ZNF727: variants seen among roughly 807,000 people sequenced by gnomAD.
ZNF727 encodes zinc finger protein 727.
ZNF727 carries 11 observed loss-of-function variants against 11.5 expected under a neutral mutation model. The observed-to-expected ratio is 0.95, with a 90% confidence interval of 0.60 to 1.58. ZNF727 has a LOEUF of 1.58. ZNF727 is among the 40% of genes most tolerant of loss of function. The probability of loss-of-function intolerance (pLI) is 0.00; values close to 1 mark genes in which losing one functional copy is unlikely to be tolerated. For missense variants in ZNF727, 533 were observed against 581.7 expected, an observed-to-expected ratio of 0.92 and a Z score of 0.86; for synonymous variants, 171 against 196.1, an observed-to-expected ratio of 0.87 and a Z score of 1.07.
At position 64,083,591 on chromosome 7, in the gene ZNF727, A is replaced by T. The variant is rs4717981; in HGVS notation, c.*5042A>T. Among the ~76,000 whole-genome samples the T allele has an allele frequency of 6.6e-6, 1 of 152,016 alleles. No homozygotes were observed. The highest frequency in any genetic ancestry group is 1.5e-5 in the Non-Finnish European group (1 of 68,010). On this transcript the variant is annotated 3_prime_UTR_variant, in exon 4 of 4. Coordinates refer to ENST00000456806, the MANE Select transcript of ZNF727 (RefSeq NM_001159522.3). ...AGTGGCTGCTCTGCTGAGACTCCACATAGCTCTGTGTGTTAAATTGAAGGC... is the reference window on the plus strand; with the variant it reads ...AGTGGCTGCTCTGCTGAGACTCCACTTAGCTCTGTGTGTTAAATTGAAGGC...
At position 64,083,809 on chromosome 7, in the gene ZNF727, T is replaced by C. The variant is rs1785831773; in HGVS notation, c.*5260T>C. On this transcript the variant is annotated 3_prime_UTR_variant, in exon 4 of 4. Coordinates refer to ENST00000456806, the MANE Select transcript of ZNF727 (RefSeq NM_001159522.3). ...CTCCATTCTCCGTAAGTTAAGTTGT[T>C]TCTTTCATTAGTTCCAATGCAAGTA... Among the ~76,000 whole-genome samples, 1 of 152,208 alleles carries C rather than the reference T, an allele frequency of 6.6e-6. No homozygotes were observed. The highest frequency in any genetic ancestry group is 1.5e-5 in the Non-Finnish European group (1 of 68,038).
chr7:64,059,103 C>A (rs758994026), intron 1 of ZNF727, among the ~76,000 whole-genome samples: 1 of 152,078 alleles, frequency 6.6e-6, no homozygotes, highest in South Asian at 2.1e-4. Flanking sequence ...TGCCACCACA[C>A]CCTGCTAATT....
At chr7:64,061,287 A>C (rs999947672) in intron 1 of ZNF727, among the ~76,000 whole-genome samples, 3 of 152,098 alleles carry the variant, frequency 2.0e-5, no homozygotes, top group Non-Finnish European at 2.9e-5. Context: ...GTCTCTAGCT[A>C]TTATTGTATT....
chr7:64,057,896 C>T (rs1047384492), intron 1 of ZNF727, among the ~76,000 whole-genome samples: 1 of 152,110 alleles, frequency 6.6e-6, no homozygotes, highest in African/African-American at 2.4e-5. Flanking sequence ...TCAAAGGCTT[C>T]CATCTATTCC....
chr7:64,074,101 C>T (rs1289978644), intron 3 of ZNF727, among the ~76,000 whole-genome samples: 2 of 152,038 alleles, frequency 1.3e-5, no homozygotes, highest in East Asian at 3.9e-4. Flanking sequence ...ACCTGGTTAC[C>T]TTCTGCATCA....
At chr7:64,068,316 T>C (rs1789903697) in intron 1 of ZNF727, among the ~76,000 whole-genome samples, 1 of 152,172 alleles carries the variant, frequency 6.6e-6, no homozygotes, top group African/African-American at 2.4e-5. Context: ...TATCGCTTCC[T>C]ATGGAAAGTG....
intron 2 of ZNF727, 54 bp downstream of exon 2, chr7:64,069,071 TC>T: frequency 6.9e-7 from 1 of 1,444,902 alleles, no homozygotes; most frequent in Non-Finnish European, 9.1e-7. Context: ...TTTTATTTCC[TC>T]TTTTTTTTTT....
intron 1 of ZNF727, among the ~76,000 whole-genome samples, chr7:64,053,163 G>A (rs1789629143): frequency 6.6e-6 from 1 of 152,254 alleles, no homozygotes; most frequent in Non-Finnish European, 1.5e-5. Context: ...GAATGATAGG[G>A]TTTGACTGTG....
At chr7:64,049,368 C>T (rs979203389) in intron 1 of ZNF727, among the ~76,000 whole-genome samples, 27 of 152,010 alleles carry the variant, frequency 1.8e-4, no homozygotes, top group African/African-American at 6.3e-4. Flanking sequence ...AGATTGCCTT[C>T]TCTTTAAGAA....
Position 64,078,573 on chromosome 7 carries a change from A to C in ZNF727, c.*24A>C, listed in dbSNP as rs759031228. On this transcript the variant is annotated 3_prime_UTR_variant, in exon 4 of 4. Transcript: ENST00000456806. ...AATTCATACTGGAGATAAACCTTAC[A>C]AATGTAATGAATGTGGAAAAGCTTT... is the stretch of plus-strand genomic sequence containing the variant. 465 of 1,553,152 alleles carry C rather than the reference A, an allele frequency of 3.0e-4. No individual in the cohort carries two copies. The highest frequency in any genetic ancestry group is 3.7e-4 in the Non-Finnish European group (428 of 1,146,930).
At chr7:64,047,530 GT>G (rs1789527810) in intron 1 of ZNF727, among the ~76,000 whole-genome samples, 1 of 152,058 alleles carries the variant, frequency 6.6e-6, no homozygotes, top group Non-Finnish European at 1.5e-5. Context: ...TATTTTCCTG[GT>G]TCCAAGTATT....
chr7:64,070,912 G>A (rs4717167), intron 3 of ZNF727, among the ~76,000 whole-genome samples: 98,565 of 151,764 alleles, frequency 0.65, 32,406 homozygotes, highest in Admixed American at 0.72. Flanking sequence ...TCGGCATAAC[G>A]TCATCTAGGT....
At chr7:64,076,263 A>C (rs1785655082) in intron 3 of ZNF727, among the ~76,000 whole-genome samples, 2 of 151,960 alleles carry the variant, frequency 1.3e-5, no homozygotes, top group Admixed American at 1.3e-4. Context: ...TGACTTGTAT[A>C]TTTACTTTTT....
At chr7:64,046,732 T>G (rs1428745089) in intron 1 of ZNF727, among the ~76,000 whole-genome samples, 1 of 152,210 alleles carries the variant, frequency 6.6e-6, no homozygotes, top group African/African-American at 2.4e-5. Flanking sequence ...CCAGAACCGA[T>G]TAATACAAAC....
Position 64,077,920 on chromosome 7 carries a change from A to G in ZNF727, c.871A>G (p.Lys291Glu). ...ACCCTACAAATGTAAAGAATGTCAC[A>G]AAGCCTTTAGGTGTTGCTCAGACCT... The part of the protein sequence containing the change: ...EKPYKCKECH[K>E]AFRCCSDLTK... Residue 291 changes from lysine (K) to glutamate (E), a missense_variant, in exon 4 of 4, where the codon AAA becomes GAA. Lys to Glu is a moderately conservative substitution (Grantham distance 56). Coordinates refer to ENST00000456806, the MANE Select transcript of ZNF727 (RefSeq NM_001159522.3). 1 of 1,586,040 alleles carries G rather than the reference A, an allele frequency of 6.3e-7. No individual in the cohort carries two copies. The highest frequency in any genetic ancestry group is 8.6e-7 in the Non-Finnish European group (1 of 1,165,526).
At chr7:64,058,525 CTCAACTGGGCT>C (rs1789720774) in intron 1 of ZNF727, among the ~76,000 whole-genome samples, 1 of 152,094 alleles carries the variant, frequency 6.6e-6, no homozygotes, top group Admixed American at 6.5e-5. Flanking sequence ...GGTGCATCCA[CTCAACTGGGCT>C]TCTGAGTCAC....
chr7:64,067,440 A>G (rs1396101309), intron 1 of ZNF727, among the ~76,000 whole-genome samples: 2 of 152,208 alleles, frequency 1.3e-5, no homozygotes, highest in African/African-American at 2.4e-5. Context: ...ATGCACATGT[A>G]TGTTTATTGC....
intron 1 of ZNF727, among the ~76,000 whole-genome samples, chr7:64,064,129 A>G (rs893102563): frequency 6.6e-5 from 10 of 152,060 alleles, no homozygotes; most frequent in East Asian, 1.9e-4. Flanking sequence ...CCTCACTATG[A>G]CTGAGCTGGT....
At chr7:64,046,119 G>A (rs1449808038) in intron 1 of ZNF727, among the ~76,000 whole-genome samples, 1 of 152,154 alleles carries the variant, frequency 6.6e-6, no homozygotes, top group African/African-American at 2.4e-5. Context: ...GGGCTCAGAT[G>A]ATCCTCCCAC....
Sources: allele counts gnomAD v4.1 joint callset (sites outside exome capture counted in the v4.1 genomes callset), GRCh38; gene constraint gnomAD v4.1.1; transcripts MANE v1.5; gene names NCBI Gene and HGNC (gene_info 2026-07-23, HGNC 2026-07-21).